CSMD2: variants seen among roughly 807,000 people sequenced by gnomAD.
CSMD2 encodes CUB and Sushi multiple domains 2, also known as CUB and sushi domain-containing protein 2.
In CSMD2, 130 loss-of-function variants were observed where a neutral mutation model predicts 398.5. The observed-to-expected ratio is 0.33, with a 90% CI of 0.28 to 0.38. The LOEUF (loss-of-function observed/expected upper bound fraction) is 0.38, where lower values mean the gene tolerates loss of function less well. Among genes scored for constraint, CSMD2 ranks in the 10% least tolerant of loss-of-function variants. The pLI is 1.00. For synonymous variants in CSMD2, 1,828 were observed against 1,908.5 expected, an observed-to-expected ratio of 0.96 and a Z score of 1.10; for missense variants, 3,829 against 4,764.9, an observed-to-expected ratio of 0.80 and a Z score of 5.78.
intron 9 of CSMD2, among the ~76,000 whole-genome samples, chr1:33,811,136 G>A (rs1291353959): frequency 1.3e-5 from 2 of 152,058 alleles, no homozygotes; most frequent in East Asian, 1.9e-4. Flanking sequence ...CCCACACCCC[G>A]ACTCCACTAT....
intron 68 of CSMD2, among the ~76,000 whole-genome samples, chr1:33,520,932 G>A (rs66554061): frequency 0.18 from 27,489 of 152,266 alleles, 3,166 homozygotes; most frequent in East Asian, 0.37. Flanking sequence ...GCTCCAAGGT[G>A]TGGATGTTTG....
In CSMD2 at chr1:33,725,370, C is replaced by A; in HGVS notation, c.2674G>T (p.Gly892Cys). 6.2e-7 allele frequency: 1 copy of A among 1,613,958 alleles called. No homozygotes were observed. The highest frequency in any genetic ancestry group is 1.1e-5 in the South Asian group (1 of 91,048). ...TCACTCTCATAGCGGAGCTGGAAGC[C>A]GATGTCCGAGTGACTCTTGTCGGTA... ...FSTDKSHSDI[G>C]FQLRYETITL... is the part of the protein sequence containing the mutation. Residue 892 changes from glycine to cysteine, a missense_variant, in exon 17 of 71, where the codon GGC becomes TGC. Coordinates refer to ENST00000373381, the MANE Select transcript of CSMD2 (RefSeq NM_001281956.2).
At chr1:33,804,426 C>T (rs1320999210) in intron 10 of CSMD2, among the ~76,000 whole-genome samples, 1 of 152,222 alleles carries the variant, frequency 6.6e-6, no homozygotes, top group Non-Finnish European at 1.5e-5. Flanking sequence ...CAAGCCTACT[C>T]ATCCTTCAGG....
chr1:33,636,370 T>G lies in CSMD2; in HGVS notation c.4959A>C (p.Pro1653=), dbSNP rs200396061. 6 of 1,607,612 alleles carry G rather than the reference T, an allele frequency of 3.7e-6. No homozygotes were observed. The African/African-American group carries it at 8.0e-5, about 21-fold the overall frequency. Reference sequence around the variant, plus strand: ...CCAGGCTTCCACCACCTGTGCAGACTGGCCGGGGATTGTTCCACACGGGCT... The same window carrying G: ...CCAGGCTTCCACCACCTGTGCAGACGGGCCGGGGATTGTTCCACACGGGCT... The part of the protein sequence containing the change: ...DGKPVWNNPR[P]VCTAPCGGQY... Residue 1653 remains proline, a synonymous_variant, in exon 30 of 71, where the codon CCA becomes CCC. Coordinates refer to ENST00000373381, the MANE Select transcript of CSMD2 (RefSeq NM_001281956.2). This position sits in a 1 kb window ranked among gnomAD's most constrained non-coding sequence, Gnocchi z 4.8.
chr1:33,526,977 C>T (rs1654834020), intron 65 of CSMD2, among the ~76,000 whole-genome samples: 1 of 152,222 alleles, frequency 6.6e-6, no homozygotes, highest in African/African-American at 2.4e-5. Flanking sequence ...AAGTTGCTGG[C>T]TCTTTCTTCC....
chr1:33,721,077 G>GTCAT (rs1557787405), intron 19 of CSMD2, among the ~76,000 whole-genome samples: 2 of 152,132 alleles, frequency 1.3e-5, no homozygotes. Context: ...AAGTGATCTG[G>GTCAT]TCATTCATCC....
At position 34,165,165 on chromosome 1, in the gene CSMD2, C is replaced by A; in HGVS notation, c.-68G>T. The A allele has an allele frequency of 8.4e-7, 1 of 1,196,866 alleles. No homozygotes were observed. The highest frequency in any genetic ancestry group is 4.2e-5 in the South Asian group (1 of 23,732). 74.1% of individuals were successfully genotyped at this position (1,196,866 alleles called of 1,614,324 possible). A position where few individuals can be genotyped will look rare whatever the true frequency, so the allele number is the denominator to read the frequency against. Reference sequence around the variant, plus strand: ...GAGGAGAAAGGAGGTCAGGAGAGCTCTGGAGCTTTTTTCTGCTCGGAAAAA... The same window carrying A: ...GAGGAGAAAGGAGGTCAGGAGAGCTATGGAGCTTTTTTCTGCTCGGAAAAA... On this transcript the variant is annotated 5_prime_UTR_variant, in exon 1 of 71. Coordinates refer to ENST00000373381, the MANE Select transcript of CSMD2 (RefSeq NM_001281956.2).
chr1:33,971,236 C>T (rs1158100537), intron 3 of CSMD2, among the ~76,000 whole-genome samples: 1 of 152,222 alleles, frequency 6.6e-6, no homozygotes, highest in Non-Finnish European at 1.5e-5. Context: ...CAGCCTTTGT[C>T]CTCCCTTGAG....
At chr1:33,707,554 C>T (rs937107610) in intron 22 of CSMD2, among the ~76,000 whole-genome samples, 1 of 152,174 alleles carries the variant, frequency 6.6e-6, no homozygotes, top group African/African-American at 2.4e-5. Context: ...GCTTAAGAAG[C>T]CAATGAGATT....
chr1:34,080,127 C>CAAA (rs201150922), intron 2 of CSMD2, among the ~76,000 whole-genome samples: 1 of 76,670 alleles, frequency 1.3e-5, no homozygotes, highest in African/African-American at 3.9e-5. Context: ...GAATGTAAAG[C>CAAA]AAAAAAAAAA....
At chr1:34,136,140 A>G (rs570868258) in intron 1 of CSMD2, among the ~76,000 whole-genome samples, 3 of 152,206 alleles carry the variant, frequency 2.0e-5, no homozygotes, top group Non-Finnish European at 4.4e-5. Flanking sequence ...AAACTCAGAG[A>G]TCTGGTCTAT....
At chr1:33,976,775 G>A (rs1254994689) in intron 3 of CSMD2, among the ~76,000 whole-genome samples, 2 of 152,094 alleles carry the variant, frequency 1.3e-5, no homozygotes, top group Non-Finnish European at 2.9e-5. Flanking sequence ...TTATAAGGTA[G>A]GACACTAATA....
intron 5 of CSMD2, among the ~76,000 whole-genome samples, chr1:33,914,576 C>T (rs1226946357): frequency 6.6e-6 from 1 of 152,170 alleles, no homozygotes; most frequent in African/African-American, 2.4e-5. Context: ...GTCTAAAATA[C>T]TAGGGAATAG....
At chr1:33,662,849 C>T (rs1438712440) in intron 26 of CSMD2, 41 bp downstream of exon 26, 1 of 1,582,880 alleles carries the variant, frequency 6.3e-7, no homozygotes, top group Non-Finnish European at 8.7e-7. Context: ...TGCCATGTGT[C>T]AGGACATGTG....
intron 27 of CSMD2, among the ~76,000 whole-genome samples, chr1:33,653,383 A>C (rs1354101763): frequency 6.6e-6 from 1 of 152,190 alleles, no homozygotes; most frequent in Admixed American, 6.5e-5. Context: ...AGTGGGAAAC[A>C]GGCTCACATT....
intron 4 of CSMD2, among the ~76,000 whole-genome samples, chr1:33,921,960 AAGC>A (rs1374529440): frequency 1.3e-5 from 2 of 152,136 alleles, no homozygotes; most frequent in Admixed American, 6.5e-5. Context: ...GAGGAAAGAG[AAGC>A]AGCAGGAAGG....
intron 55 of CSMD2, among the ~76,000 whole-genome samples, chr1:33,555,922 A>G (rs1657921128): frequency 6.6e-6 from 1 of 152,078 alleles, no homozygotes; most frequent in Non-Finnish European, 1.5e-5. Context: ...TATACCTATT[A>G]GTAATATCAA....
At chr1:34,102,774 G>A (rs577117793) in intron 1 of CSMD2, among the ~76,000 whole-genome samples, 3 of 152,222 alleles carry the variant, frequency 2.0e-5, no homozygotes, top group South Asian at 2.1e-4. Flanking sequence ...ACTTATTTCC[G>A]GTGTCTAGTC....
At chr1:34,089,378 C>T (rs1041409684) in intron 1 of CSMD2, among the ~76,000 whole-genome samples, 185 bp from the exon 2 acceptor site, 19 of 152,218 alleles carry the variant, frequency 1.2e-4, no homozygotes, top group East Asian at 3.9e-4. Context: ...GCTTGCTGTG[C>T]GCTGTGTACT....
Sources: gnomAD v4.1 joint callset for allele counts (sites outside exome capture counted in the v4.1 genomes callset) on GRCh38, gnomAD v4.1.1 for gene constraint, Gnocchi (gnomAD v3.1) non-coding constraint, MANE v1.5 for transcripts, NCBI Gene and HGNC (gene_info 2026-07-23, HGNC 2026-07-21) for gene names.